The following SPTLC3 variants were observed in gnomAD, a reference collection of about 807,000 sequenced individuals.
SPTLC3 encodes serine palmitoyltransferase long chain base subunit 3, also known as serine palmitoyltransferase 3.
SPTLC3 carries 36 observed loss-of-function variants against 59.3 expected under a neutral mutation model. The ratio of observed to expected loss-of-function variants is 0.61; its 90% CI spans 0.47 to 0.80. The LOEUF is 0.80. Among genes scored for constraint, SPTLC3 ranks in the 30% least tolerant of loss-of-function variants. SPTLC3 has a pLI of 0.00. For synonymous variants in SPTLC3, 257 were observed against 240.8 expected, an observed-to-expected ratio of 1.07 and a Z score of -0.62; for missense variants, 625 against 685.1, an observed-to-expected ratio of 0.91 and a Z score of 0.98.
chr20:13,052,527 C>T (rs1479687659), intron 2 of SPTLC3, among the ~76,000 whole-genome samples: 1 of 152,054 alleles, frequency 6.6e-6, no homozygotes, highest in African/African-American at 2.4e-5. Flanking sequence ...GCACCTGGAA[C>T]ACCAGTGAGA....
intron 2 of SPTLC3, among the ~76,000 whole-genome samples, chr20:13,054,388 G>A (rs919119607): frequency 5.9e-5 from 9 of 152,144 alleles, no homozygotes; most frequent in African/African-American, 2.2e-4. Flanking sequence ...TGTGAGAAAT[G>A]GATTGCAGAA....
chr20:13,128,875 T>C (rs2038055042), intron 9 of SPTLC3, among the ~76,000 whole-genome samples: 1 of 146,844 alleles, frequency 6.8e-6, no homozygotes, highest in African/African-American at 2.5e-5. Context: ...CAGCTAATTT[T>C]TTTTTTTTTT....
At chr20:13,120,821 C>A (rs1211143493) in intron 8 of SPTLC3, among the ~76,000 whole-genome samples, 1 of 152,336 alleles carries the variant, frequency 6.6e-6, no homozygotes, top group East Asian at 1.9e-4. Flanking sequence ...TCCCCACTTT[C>A]CACCTCAAGG....
At chr20:13,016,900 G>C (rs1474572307) in intron 1 of SPTLC3, among the ~76,000 whole-genome samples, 1 of 152,122 alleles carries the variant, frequency 6.6e-6, no homozygotes, top group Admixed American at 6.6e-5. Flanking sequence ...GCATTCCTAT[G>C]AGGTATTATT....
chr20:13,046,252 G>A (rs150019959), intron 1 of SPTLC3, among the ~76,000 whole-genome samples: 6 of 152,208 alleles, frequency 3.9e-5, no homozygotes, highest in East Asian at 3.9e-4. Flanking sequence ...ACTGTGGCCC[G>A]TAGTAATTGA....
chr20:13,097,139 AAG>A (rs1259941717), intron 6 of SPTLC3, among the ~76,000 whole-genome samples: 1 of 152,138 alleles, frequency 6.6e-6, no homozygotes, highest in African/African-American at 2.4e-5. Flanking sequence ...TGGAAAAATG[AAG>A]AGTCTATTTC....
In SPTLC3 at chr20:13,164,961, A is replaced by C. The variant is rs547285772; in HGVS notation, c.*94A>C. 1 of 1,127,978 alleles carries C rather than the reference A, an allele frequency of 8.9e-7. No homozygotes were observed. Among genetic ancestry groups the C allele is most frequent in the East Asian group, 2.6e-5 (1 of 38,404 alleles). 69.9% of individuals were successfully genotyped at this position (1,127,978 alleles called of 1,614,324 possible). ...ATAAATGGATTTCTCCCCCTTCCTC[A>C]GGACAATTTTGGTTCCCAGACCAGC... On this transcript the variant is annotated 3_prime_UTR_variant, in exon 12 of 12. Transcript: ENST00000399002.
intron 9 of SPTLC3, among the ~76,000 whole-genome samples, chr20:13,138,805 A>G: frequency 6.6e-6 from 1 of 152,208 alleles, no homozygotes; most frequent in East Asian, 1.9e-4. Context: ...TCTAGACACC[A>G]TCAGATATGG....
At position 13,159,876 on chromosome 20, in the gene SPTLC3, CTTA is replaced by C. The variant is rs1048128320; in HGVS notation, c.1416-122_1416-120del. ...GTTTAAAAACTTCAATCATCTTCCA[CTTA>C]TTATCATAAAAAAGAAAAAAGAAAA... is the stretch of plus-strand genomic sequence containing the variant. On this transcript the variant is annotated intron_variant, in intron 10 of 11. Coordinates refer to ENST00000399002, the MANE Select transcript of SPTLC3 (RefSeq NM_018327.4). 31 of 1,284,414 alleles carry C rather than the reference CTTA, an allele frequency of 2.4e-5. No homozygotes were observed. In the African/African-American group the frequency reaches 4.2e-4, roughly 17 times the overall value. The allele number at this position is 1,284,414 out of a possible 1,614,324, so 79.6% of individuals were successfully genotyped here. A position where few individuals can be genotyped will look rare whatever the true frequency, so the allele number is the denominator to read the frequency against.
chr20:13,085,094 G>T (rs1274955607), intron 4 of SPTLC3, among the ~76,000 whole-genome samples: 1 of 152,258 alleles, frequency 6.6e-6, no homozygotes, highest in East Asian at 1.9e-4. Flanking sequence ...TGAGTGGGCA[G>T]TTGAAAGTTA....
intron 1 of SPTLC3, among the ~76,000 whole-genome samples, chr20:13,027,723 C>T (rs1986227821): frequency 6.6e-6 from 1 of 151,770 alleles, no homozygotes; most frequent in Non-Finnish European, 1.5e-5. Context: ...AGAGGAACAG[C>T]TTTGGGAATC....
At chr20:13,080,329 G>A (rs185727395) in intron 4 of SPTLC3, among the ~76,000 whole-genome samples, 2 of 152,050 alleles carry the variant, frequency 1.3e-5, no homozygotes, top group Admixed American at 6.5e-5. Context: ...CCAACATGGT[G>A]AAACCCCGTC....
At chr20:13,116,718 G>C (rs1310374171) in intron 7 of SPTLC3, among the ~76,000 whole-genome samples, 1 of 152,200 alleles carries the variant, frequency 6.6e-6, no homozygotes, top group Non-Finnish European at 1.5e-5. Context: ...TAAAACAAAA[G>C]AGTTCATCTA....
intron 9 of SPTLC3, among the ~76,000 whole-genome samples, chr20:13,147,350 A>T (rs773753867): frequency 5.9e-5 from 9 of 152,096 alleles, no homozygotes; most frequent in Non-Finnish European, 1.2e-4. Flanking sequence ...TGTGATTCTT[A>T]TGATTCTTGC....
chr20:13,145,325 G>A (rs1355458663), intron 9 of SPTLC3, among the ~76,000 whole-genome samples: 2 of 152,072 alleles, frequency 1.3e-5, no homozygotes, highest in Admixed American at 1.3e-4. Flanking sequence ...AAAATCACTA[G>A]CATTTCTATA....
rs34511643 is a variant in SPTLC3, at chr20:13,165,099, TAC to T, written c.*253_*254del. On this transcript the variant is annotated 3_prime_UTR_variant, in exon 12 of 12. Coordinates refer to ENST00000399002, the MANE Select transcript of SPTLC3 (RefSeq NM_018327.4). ...CTTCTTCCAAGTATTCTACTAGAAATACACACACACACACACACACACTTCTG... is the reference window on the plus strand; with the variant it reads ...CTTCTTCCAAGTATTCTACTAGAAATACACACACACACACACACACTTCTG... 7,798 of 367,594 alleles carry T rather than the reference TAC, an allele frequency of 0.021. No homozygotes were observed. The highest frequency in any genetic ancestry group is 0.037 in the Middle Eastern group (49 of 1,310). The allele number at this position is 367,594 out of a possible 1,614,324, so 22.8% of individuals were successfully genotyped here. A position where few individuals can be genotyped will look rare whatever the true frequency, so the allele number is the denominator to read the frequency against.
chr20:13,058,735 T>C (rs1211684025), intron 2 of SPTLC3, among the ~76,000 whole-genome samples: 1 of 152,166 alleles, frequency 6.6e-6, no homozygotes, highest in Non-Finnish European at 1.5e-5. Flanking sequence ...GCTTCAATGG[T>C]TTTGGGTGGG....
At chr20:13,036,469 T>G (rs6041786) in intron 1 of SPTLC3, among the ~76,000 whole-genome samples, 21,323 of 152,102 alleles carry the variant, frequency 0.14, 2,274 homozygotes, top group African/African-American at 0.3. Context: ...CCTTATGATT[T>G]TCTTAATAAC....
chr20:13,124,646 C>T (rs1456777954), intron 8 of SPTLC3, among the ~76,000 whole-genome samples: 2 of 152,152 alleles, frequency 1.3e-5, no homozygotes, highest in Non-Finnish European at 2.9e-5. Context: ...TGGTTCCCCT[C>T]ATGGACCAGG....
Sources: allele counts gnomAD v4.1 joint callset (sites outside exome capture counted in the v4.1 genomes callset), GRCh38; gene constraint gnomAD v4.1.1; transcripts MANE v1.5; gene names NCBI Gene and HGNC (gene_info 2026-07-23, HGNC 2026-07-21).